MIB1: variants seen among roughly 807,000 people sequenced by gnomAD.
The protein encoded by MIB1 is E3 ubiquitin-protein ligase MIB1.
In MIB1, 278 loss-of-function variants were observed where a neutral mutation model predicts 124.5. The ratio of observed to expected loss-of-function variants is 2.23; its 90% CI spans 2.02 to 2.47. MIB1 has a LOEUF of 2.47. Ranked by LOEUF, MIB1 falls within the 30% of genes most tolerant of loss-of-function variation. The pLI, the probability that MIB1 is intolerant of heterozygous loss-of-function variation, is 0.00. For missense variants in MIB1, 957 were observed against 1,254.4 expected, an observed-to-expected ratio of 0.76 and a Z score of 3.58; for synonymous variants, 446 against 429.4, an observed-to-expected ratio of 1.04 and a Z score of -0.48.
At chr18:21,748,085 T>G (rs566015588) in intron 1 of MIB1, among the ~76,000 whole-genome samples, 34 of 152,276 alleles carry the variant, frequency 2.2e-4, no homozygotes, top group African/African-American at 7.7e-4. Context: ...TCAGAGAGAT[T>G]AAGAAATTTG....
intron 2 of MIB1, 74 bp downstream of exon 2, chr18:21,766,017 A>C: frequency 7.0e-7 from 1 of 1,418,602 alleles, no homozygotes; most frequent in Non-Finnish European, 9.9e-7. Flanking sequence ...GGGCCTTAAA[A>C]ATAGGATTAG....
chr18:21,761,168 C>T (rs1303284627), intron 1 of MIB1, among the ~76,000 whole-genome samples: 2 of 150,312 alleles, frequency 1.3e-5, no homozygotes, highest in African/African-American at 2.4e-5. Flanking sequence ...TTGCTTCTAA[C>T]ACAAATACCA....
intron 1 of MIB1, among the ~76,000 whole-genome samples, chr18:21,752,489 A>G (rs1377547854): frequency 6.6e-6 from 1 of 152,272 alleles, no homozygotes; most frequent in East Asian, 1.9e-4. Flanking sequence ...AAATTTAAGT[A>G]TAAATATTCC....
chr18:21,835,932 T>C (rs1298812630), intron 12 of MIB1, among the ~76,000 whole-genome samples: 3 of 151,462 alleles, frequency 2.0e-5, no homozygotes, highest in African/African-American at 7.3e-5. Flanking sequence ...GTTGTCATAA[T>C]ACTATTATAT....
At chr18:21,843,319 C>T in intron 14 of MIB1, 102 bp downstream of exon 14, 1 of 697,706 alleles carries the variant, frequency 1.4e-6, no homozygotes, top group Non-Finnish European at 2.3e-6. Flanking sequence ...ATGTCTCAAG[C>T]TGGCATAGTT....
intron 1 of MIB1, among the ~76,000 whole-genome samples, chr18:21,731,433 A>C (rs976604280): frequency 6.6e-6 from 1 of 152,138 alleles, no homozygotes; most frequent in Non-Finnish European, 1.5e-5. Flanking sequence ...GCCAGTTTTC[A>C]ACTACTACAA....
intron 1 of MIB1, among the ~76,000 whole-genome samples, chr18:21,759,168 CTGTAAATAATAGTAT>C (rs2041068172): frequency 6.6e-6 from 1 of 151,436 alleles, no homozygotes; most frequent in South Asian, 2.1e-4. Context: ...TTGTCTATAT[CTGTAAATAATAGTAT>C]TGTTTCAACA....
In MIB1 at chr18:21,857,139, A is replaced by C. The variant is rs1200199350; in HGVS notation, c.2675A>C (p.Asn892Thr). 1 of 1,613,392 alleles carries C rather than the reference A, an allele frequency of 6.2e-7. No individual in the cohort carries two copies. The highest frequency in any genetic ancestry group is 2.2e-5 in the East Asian group (1 of 44,878). Residue 892 changes from asparagine (N) to threonine (T), a missense_variant, in exon 19 of 21, where the codon AAC (asparagine) becomes ACC (threonine). Transcript: ENST00000261537. ...GHMCACENCA[N>T]LMKKCVQCRA... ...TGTTACCGTTTTCCAGACTGTGCTA[A>C]CCTGATGAAAAAGTGTGTGCAGTGT...
intron 10 of MIB1, among the ~76,000 whole-genome samples, chr18:21,808,155 A>T (rs2041729725): frequency 6.6e-6 from 1 of 152,226 alleles, no homozygotes; most frequent in South Asian, 2.1e-4. Flanking sequence ...TGATTTTATT[A>T]AAAGCTTTGG....
At chr18:21,785,303 G>A (rs1425405513) in intron 6 of MIB1, among the ~76,000 whole-genome samples, 2 of 151,994 alleles carry the variant, frequency 1.3e-5, no homozygotes, top group African/African-American at 4.8e-5. Context: ...GGTGGTAGTG[G>A]TACCCCAAGC....
At chr18:21,810,760 C>T (rs1029315269) in intron 10 of MIB1, among the ~76,000 whole-genome samples, 4 of 151,498 alleles carry the variant, frequency 2.6e-5, no homozygotes, top group African/African-American at 7.3e-5. Flanking sequence ...TCTAAAAGTG[C>T]GATATAAAAC....
intron 6 of MIB1, among the ~76,000 whole-genome samples, chr18:21,785,048 C>T (rs913286842): frequency 3.9e-5 from 6 of 152,082 alleles, no homozygotes; most frequent in Non-Finnish European, 5.9e-5. Context: ...TTGATCTCTC[C>T]GAAAAATGCG....
At position 21,741,842 on chromosome 18, in the gene MIB1, C is replaced by G. The variant is rs1235332482; in HGVS notation, c.229+30C>G. 6.5e-7 allele frequency: 1 copy of G among 1,532,556 alleles called. No homozygotes were observed. Among genetic ancestry groups the G allele is most frequent in the East Asian group, 2.4e-5 (1 of 40,960 alleles). The allele number at this position is 1,532,556 out of a possible 1,614,324, so 94.9% of individuals were successfully genotyped here. ...GCCGCGGCCACCTGGCCAGGGCTTG[C>G]GCGCGCGGGGGGAAGGGGCGAGCTG... On this transcript the variant is annotated intron_variant, in intron 1 of 20. Transcript: ENST00000261537. This position sits in a 1 kb window ranked among gnomAD's most constrained non-coding sequence, Gnocchi z 5.4.
At chr18:21,706,754 C>T (rs1210048962) in intron 1 of MIB1, among the ~76,000 whole-genome samples, 2 of 152,320 alleles carry the variant, frequency 1.3e-5, no homozygotes, top group Admixed American at 6.5e-5. Context: ...TGCCTCCCCA[C>T]GGGGCAGGGC....
intron 1 of MIB1, among the ~76,000 whole-genome samples, chr18:21,760,772 A>G (rs918688809): frequency 2.0e-5 from 3 of 152,202 alleles, no homozygotes; most frequent in African/African-American, 7.2e-5. Flanking sequence ...TTTCTGTTGA[A>G]TGGGGTAGTT....
chr18:21,825,535 TAAAG>T (rs1291567158), intron 12 of MIB1: 1 of 336,072 alleles, frequency 3.0e-6, no homozygotes, highest in Non-Finnish European at 5.9e-6. Context: ...ACATTTTTCA[TAAAG>T]CTTTTTATAA....
chr18:21,715,862 T>G (rs1188883790), intron 1 of MIB1, among the ~76,000 whole-genome samples: 1 of 152,174 alleles, frequency 6.6e-6, no homozygotes, highest in African/African-American at 2.4e-5. Context: ...AAATCTGAGA[T>G]TATATTAAAT....
intron 1 of MIB1, among the ~76,000 whole-genome samples, chr18:21,731,453 G>A (rs761829316): frequency 6.6e-6 from 1 of 152,262 alleles, no homozygotes; most frequent in Non-Finnish European, 1.5e-5. Flanking sequence ...AATAAAGCTG[G>A]CCAGGCGCGG....
intron 1 of MIB1, among the ~76,000 whole-genome samples, chr18:21,714,247 G>T (rs1268764376): frequency 6.6e-6 from 1 of 152,196 alleles, no homozygotes; most frequent in Non-Finnish European, 1.5e-5. Context: ...GAGAGGAAGA[G>T]ATTAGCAGAG....
Sources: allele counts gnomAD v4.1 joint callset (sites outside exome capture counted in the v4.1 genomes callset), GRCh38; gene constraint gnomAD v4.1.1; non-coding constraint Gnocchi (gnomAD v3.1); transcripts MANE v1.5; gene names NCBI Gene and HGNC (gene_info 2026-07-23, HGNC 2026-07-21).